The following CAMK2A variants were observed in gnomAD, a reference collection of about 807,000 sequenced individuals.
The protein encoded by CAMK2A is calcium/calmodulin dependent protein kinase II alpha.
CAMK2A carries 7 observed loss-of-function variants against 79.2 expected under a neutral mutation model. That is an observed-to-expected ratio of 0.09 (90% CI 0.05 to 0.17). The LOEUF is 0.17. CAMK2A is among the 10% of genes least tolerant of loss of function. The pLI is 1.00. For synonymous variants in CAMK2A, 242 were observed against 251.7 expected (o/e 0.96, Z 0.36); for missense variants, 214 against 646.4 (o/e 0.33, Z 7.25).
chr5:150,279,822 G>A (rs567152318), intron 1 of CAMK2A, among the ~76,000 whole-genome samples: 13 of 152,332 alleles, frequency 8.5e-5, no homozygotes, highest in South Asian at 8.3e-4. Context: ...ATGTGGGAAC[G>A]TGCTAATGGG....
chr5:150,258,136 T>C (rs1756140516), intron 3 of CAMK2A, among the ~76,000 whole-genome samples: 1 of 152,200 alleles, frequency 6.6e-6, no homozygotes, highest in Admixed American at 6.5e-5. Context: ...GAGGAGATAA[T>C]GGAGCATGGA....
intron 3 of CAMK2A, among the ~76,000 whole-genome samples, chr5:150,258,604 G>C (rs1172942123): frequency 1.3e-5 from 2 of 152,202 alleles, no homozygotes; most frequent in African/African-American, 4.8e-5. Context: ...AGTCTCTCTG[G>C]AAGAATACAG....
intron 17 of CAMK2A, among the ~76,000 whole-genome samples, chr5:150,226,547 G>A (rs977816992): frequency 1.3e-5 from 2 of 151,988 alleles, no homozygotes; most frequent in Non-Finnish European, 2.9e-5. Flanking sequence ...GACCAGCCTG[G>A]TCAACATGGT....
intron 9 of CAMK2A, among the ~76,000 whole-genome samples, chr5:150,251,317 T>C (rs998838529): frequency 1.3e-5 from 2 of 152,258 alleles, no homozygotes; most frequent in Non-Finnish European, 2.9e-5. Flanking sequence ...CTACCATTTC[T>C]TAGCTGTGTG....
chr5:150,257,574 C>A lies in CAMK2A; in HGVS notation c.261G>T (p.Leu87=). 6.4e-7 allele frequency: 1 copy of A among 1,569,262 alleles called. No homozygotes were observed. The highest frequency in any genetic ancestry group is 1.9e-5 in the Admixed American group (1 of 53,846). Residue 87 remains leucine, a synonymous_variant, in exon 4 of 19, where the codon CTG becomes CTT. Transcript: ENST00000671881. ...GGGGCCAAACTCACAGGTCGAAGAT[C>A]AGGTAGTGGTGTCCCTCCTCTGAGA... ...DSISEEGHHY[L]IFDLVTGGEL... is the part of the protein sequence containing the mutation.
In CAMK2A at chr5:150,221,251, T is replaced by C; in HGVS notation, c.*1459A>G. ...AGTGCAGACAGTAGATCCTAGTGGATGTGCCAAGGTATTCCACTCAGAGTC... is the reference window on the plus strand; with the variant it reads ...AGTGCAGACAGTAGATCCTAGTGGACGTGCCAAGGTATTCCACTCAGAGTC... On this transcript the variant is annotated 3_prime_UTR_variant, in exon 19 of 19. Coordinates refer to ENST00000671881, the MANE Select transcript of CAMK2A (RefSeq NM_015981.4). 1 of 396,676 alleles carries C rather than the reference T, an allele frequency of 2.5e-6. No individual in the cohort carries two copies. 24.6% of individuals were successfully genotyped at this position (396,676 alleles called of 1,614,324 possible).
At chr5:150,260,727 A>G (rs1451145442) in intron 3 of CAMK2A, among the ~76,000 whole-genome samples, 1 of 152,254 alleles carries the variant, frequency 6.6e-6, no homozygotes, top group African/African-American at 2.4e-5. Context: ...GTATCATTAA[A>G]TGTTAATTCT....
At chr5:150,272,752 GT>G (rs1554123937) in intron 2 of CAMK2A, among the ~76,000 whole-genome samples, 3 of 151,976 alleles carry the variant, frequency 2.0e-5, no homozygotes, top group Non-Finnish European at 4.4e-5. Context: ...AAGGGTAGAG[GT>G]CTGGAGGGGA....
At chr5:150,249,489 C>T (rs1167043324) in intron 11 of CAMK2A, among the ~76,000 whole-genome samples, 7 of 152,190 alleles carry the variant, frequency 4.6e-5, no homozygotes, top group Admixed American at 2.0e-4. Flanking sequence ...AGGGGTCAGG[C>T]GCACTTCCAA....
At chr5:150,264,511 C>T (rs1034417828) in intron 3 of CAMK2A, among the ~76,000 whole-genome samples, 2 of 152,208 alleles carry the variant, frequency 1.3e-5, no homozygotes, top group East Asian at 1.9e-4. Context: ...AGCCTGTGCC[C>T]GGCCTGTGGG....
chr5:150,270,633 C>T (rs1756710159), intron 2 of CAMK2A, among the ~76,000 whole-genome samples: 1 of 148,742 alleles, frequency 6.7e-6, no homozygotes, highest in Admixed American at 6.7e-5. Flanking sequence ...AACAAAGAAT[C>T]CTGCTAAAAG....
rs1754247052 is a variant in CAMK2A at position 150,220,365 on chromosome 5, GA to G, written c.*2344del. ...GGAATCAGGGGCAGGTGGGGGAGGG[GA>G]TGGAGCCTGACCAGGTCTAGAAGTA... On this transcript the variant is annotated 3_prime_UTR_variant, in exon 19 of 19. Transcript: ENST00000671881. 1 of 152,394 alleles carries G rather than the reference GA, an allele frequency of 6.6e-6. No homozygotes were observed. The highest frequency in any genetic ancestry group is 1.5e-5 in the Non-Finnish European group (1 of 68,076). 9.4% of individuals were successfully genotyped at this position (152,394 alleles called of 1,614,324 possible).
At position 150,257,590 on chromosome 5, in the gene CAMK2A, T is replaced by A; in HGVS notation, c.245A>T (p.Glu82Val). 1 of 1,570,820 alleles carries A rather than the reference T, an allele frequency of 6.4e-7. No homozygotes were observed. Among genetic ancestry groups the A allele is most frequent in the Non-Finnish European group, 8.6e-7 (1 of 1,157,996 alleles). ...GTCGAAGATCAGGTAGTGGTGTCCCTCCTCTGAGATGCTGTCATGTAGTCG... is the reference window on the plus strand; with the variant it reads ...GTCGAAGATCAGGTAGTGGTGTCCCACCTCTGAGATGCTGTCATGTAGTCG... ...IVRLHDSISE[E>V]GHHYLIFDLV... is the part of the protein sequence containing the mutation. The change falls in exon 4 of 19, where the codon GAG becomes GTG. Residue 82 changes from glutamate to valine, a missense_variant. Physicochemically the swap from Glu to Val is moderately radical, Grantham distance 121 (BLOSUM62 -2). Transcript: ENST00000671881.
At chr5:150,287,037 G>T (rs944202683) in intron 1 of CAMK2A, among the ~76,000 whole-genome samples, 1 of 152,206 alleles carries the variant, frequency 6.6e-6, no homozygotes, top group Non-Finnish European at 1.5e-5. Flanking sequence ...GGTGATGAGG[G>T]ACAGCGCCTG....
chr5:150,285,091 A>G (rs1333788539), intron 1 of CAMK2A, among the ~76,000 whole-genome samples: 1 of 152,200 alleles, frequency 6.6e-6, no homozygotes, highest in Non-Finnish European at 1.5e-5. Flanking sequence ...TTCCCTGCCC[A>G]CATGGCCACT....
chr5:150,285,767 C>T (rs1486711338), intron 1 of CAMK2A, among the ~76,000 whole-genome samples: 2 of 152,104 alleles, frequency 1.3e-5, no homozygotes, highest in East Asian at 3.9e-4. Flanking sequence ...GTCTCTCTTC[C>T]TCCCTCTCTC....
chr5:150,238,263 C>A (rs1755172952), intron 15 of CAMK2A: 1 of 176,162 alleles, frequency 5.7e-6, no homozygotes. Context: ...CCAGCCTGGC[C>A]AACATGGTGA....
Position 150,256,810 on chromosome 5 carries a change from A to G in CAMK2A, c.294T>C (p.Phe98=). 1 of 1,614,128 alleles carries G rather than the reference A, an allele frequency of 6.2e-7. No individual in the cohort carries two copies. ...AATACTCCCGGGCCACGATATCTTCAAACAGTTCCCCACCAGTGACCCTGG... is the reference window on the plus strand; with the variant it reads ...AATACTCCCGGGCCACGATATCTTCGAACAGTTCCCCACCAGTGACCCTGG... ...IFDLVTGGEL[F]EDIVAREYYS... is the part of the protein sequence containing the mutation. Residue 98 remains phenylalanine, a synonymous_variant, in exon 5 of 19, where the codon TTT becomes TTC. Coordinates refer to ENST00000671881, the MANE Select transcript of CAMK2A (RefSeq NM_015981.4). The surrounding 1 kb of genome is among the most constrained non-coding windows in gnomAD (Gnocchi z 4.6).
chr5:150,232,424 A>G (rs1754883447), intron 15 of CAMK2A, among the ~76,000 whole-genome samples: 1 of 152,036 alleles, frequency 6.6e-6, no homozygotes. Context: ...CTTCACTAAT[A>G]CCCTGGGAGG....
Sources: gnomAD v4.1 joint callset for allele counts (sites outside exome capture counted in the v4.1 genomes callset) on GRCh38, gnomAD v4.1.1 for gene constraint, Gnocchi (gnomAD v3.1) non-coding constraint, MANE v1.5 for transcripts, NCBI Gene and HGNC (gene_info 2026-07-23, HGNC 2026-07-21) for gene names.